TSNARE1: variants seen among roughly 807,000 people sequenced by gnomAD.
The protein encoded by TSNARE1 is t-SNARE domain containing 1.
In TSNARE1, 49 loss-of-function variants were observed where a neutral mutation model predicts 62.0. The ratio of observed to expected loss-of-function variants is 0.79; its 90% CI spans 0.63 to 1.00. The LOEUF is 1.00. Among genes scored for constraint, TSNARE1 ranks in the 50% least tolerant of loss-of-function variants. The probability of loss-of-function intolerance (pLI) is 0.00; values close to 1 mark genes in which losing one functional copy is unlikely to be tolerated. For synonymous variants in TSNARE1, 328 were observed against 294.4 expected (o/e 1.11, Z -1.17); for missense variants, 755 against 700.1 (o/e 1.08, Z -0.88).
intron 12 of TSNARE1, among the ~76,000 whole-genome samples, chr8:142,251,616 G>A (rs1014234068): frequency 9.2e-5 from 14 of 152,180 alleles, no homozygotes; most frequent in South Asian, 2.1e-4. Flanking sequence ...GACAGGGCCC[G>A]GCTTATGAGA....
At chr8:142,396,614 G>A (rs1837913260) in intron 1 of TSNARE1, among the ~76,000 whole-genome samples, 1 of 152,250 alleles carries the variant, frequency 6.6e-6, no homozygotes, top group Admixed American at 6.5e-5. Flanking sequence ...TCCCCCTGGA[G>A]AGCAGCAGGG....
chr8:142,234,139 G>T (rs1168323096), intron 12 of TSNARE1, among the ~76,000 whole-genome samples: 1 of 151,762 alleles, frequency 6.6e-6, no homozygotes, highest in African/African-American at 2.4e-5. Flanking sequence ...ATTCAGGGAA[G>T]GTTCCAAGAT....
At chr8:142,338,875 G>T (rs1013687509) in intron 4 of TSNARE1, among the ~76,000 whole-genome samples, 6 of 152,178 alleles carry the variant, frequency 3.9e-5, no homozygotes, top group Non-Finnish European at 7.3e-5. Flanking sequence ...GGGAAGAATA[G>T]CCCAGGGCCG....
intron 2 of TSNARE1, among the ~76,000 whole-genome samples, chr8:142,349,050 C>A (rs1258908032): frequency 1.3e-5 from 2 of 152,198 alleles, no homozygotes; most frequent in African/African-American, 2.4e-5. Context: ...CTCGAAGGCC[C>A]CGCCCACACA....
At chr8:142,321,964 A>T (rs1440351919) in intron 6 of TSNARE1, among the ~76,000 whole-genome samples, 1 of 152,196 alleles carries the variant, frequency 6.6e-6, no homozygotes, top group Non-Finnish European at 1.5e-5. Context: ...AGAAACCCAT[A>T]TATCACTCAC....
At chr8:142,227,742 G>A (rs972217457) in intron 13 of TSNARE1, among the ~76,000 whole-genome samples, 36 of 152,276 alleles carry the variant, frequency 2.4e-4, no homozygotes, top group Non-Finnish European at 3.2e-4. Flanking sequence ...AAGGTTCACA[G>A]TGTGTCTTCA....
At chr8:142,355,655 A>G (rs1165829299) in intron 1 of TSNARE1, among the ~76,000 whole-genome samples, 1 of 152,084 alleles carries the variant, frequency 6.6e-6, no homozygotes, top group Non-Finnish European at 1.5e-5. Flanking sequence ...ACTGGCCTAC[A>G]CCCTAATGCT....
intron 4 of TSNARE1, among the ~76,000 whole-genome samples, chr8:142,340,624 A>G (rs1382116341): frequency 6.6e-6 from 1 of 152,244 alleles, no homozygotes; most frequent in Non-Finnish European, 1.5e-5. Context: ...AAAGAAAATA[A>G]TAAGGCTGTG....
rs776625400 is a variant in TSNARE1, at chr8:142,315,045, G to A, written c.1032C>T (p.Thr344=). 6.2e-7 allele frequency: 1 copy of A among 1,614,146 alleles called. No homozygotes were observed. Among genetic ancestry groups the A allele is most frequent in the South Asian group, 1.1e-5 (1 of 91,084 alleles). Residue 344 remains threonine, a synonymous_variant, in exon 8 of 14, where the codon ACC becomes ACT. Transcript: ENST00000524325. ...QERPQLDRLK[T]QLSDAIQCYG... is the part of the protein sequence containing the mutation. ...AGCACTGAATGGCATCTGAGAGCTG[G>A]GTTTTCAGCCGGTCCAGCTGAGGAC...
At chr8:142,270,353 G>A (rs754348413) in intron 12 of TSNARE1, 582 of 985,430 alleles carry the variant, frequency 5.9e-4, no homozygotes, top group Non-Finnish European at 6.5e-4. Flanking sequence ...CAACTCACGT[G>A]CTCGTCAGCA....
chr8:142,318,946 G>C (rs1014459122), intron 6 of TSNARE1, among the ~76,000 whole-genome samples: 2 of 151,718 alleles, frequency 1.3e-5, no homozygotes, highest in African/African-American at 4.8e-5. Context: ...GACAGGGAGA[G>C]ACAGGCAGAC....
At chr8:142,275,914 A>T in intron 11 of TSNARE1, 6 of 985,396 alleles carry the variant, frequency 6.1e-6, no homozygotes, top group Non-Finnish European at 7.2e-6. Flanking sequence ...CCACCGTCCC[A>T]GCAAGGACTC....
chr8:142,304,164 G>A (rs773935793), intron 9 of TSNARE1, among the ~76,000 whole-genome samples: 15 of 152,366 alleles, frequency 9.8e-5, no homozygotes, highest in Admixed American at 2.6e-4. Context: ...AGCGCAACTC[G>A]TCCAAGGTGG....
chr8:142,260,603 G>A (rs112932394), intron 12 of TSNARE1, among the ~76,000 whole-genome samples: 6 of 152,078 alleles, frequency 3.9e-5, no homozygotes, highest in Non-Finnish European at 7.4e-5. Context: ...CTTGAGCCCC[G>A]TTCCCCTGGA....
intron 13 of TSNARE1, among the ~76,000 whole-genome samples, chr8:142,214,198 A>T (rs1056048734): frequency 6.6e-6 from 1 of 152,100 alleles, no homozygotes; most frequent in Non-Finnish European, 1.5e-5. Context: ...GGAACCCAGA[A>T]AGGAGGATGG....
chr8:142,296,391 G>C (rs1247470892), intron 10 of TSNARE1, among the ~76,000 whole-genome samples: 13 of 128,618 alleles, frequency 1.0e-4, no homozygotes, highest in Non-Finnish European at 1.7e-5. Context: ...ATGGGGGAGG[G>C]GTGGTCACTG....
At chr8:142,230,223 C>A (rs1479291905) in intron 12 of TSNARE1, among the ~76,000 whole-genome samples, 2 of 152,048 alleles carry the variant, frequency 1.3e-5, no homozygotes, top group Non-Finnish European at 2.9e-5. Context: ...GGTGGGAAAC[C>A]CCTCGGCAGA....
intron 13 of TSNARE1, among the ~76,000 whole-genome samples, chr8:142,227,302 ACCCCCTTCCTGCCC>A (rs1563761111): frequency 1.1e-4 from 15 of 138,646 alleles, no homozygotes; most frequent in African/African-American, 4.6e-4. Context: ...GACAGCCAGG[ACCCCCTTCCTGCCC>A]ACAACTCCAG....
chr8:142,269,919 G>A (rs1055524218), intron 12 of TSNARE1: 9 of 985,314 alleles, frequency 9.1e-6, no homozygotes, highest in South Asian at 4.7e-5. Flanking sequence ...AGGGGAAAAC[G>A]CAAAACGAGG....
Sources: allele counts gnomAD v4.1 joint callset (sites outside exome capture counted in the v4.1 genomes callset), GRCh38; gene constraint gnomAD v4.1.1; transcripts MANE v1.5; gene names NCBI Gene and HGNC (gene_info 2026-07-23, HGNC 2026-07-21).